The following SEPTIN9 variants were observed in gnomAD, a reference collection of about 807,000 sequenced individuals.
The protein encoded by SEPTIN9 is septin-9.
In SEPTIN9, 13 loss-of-function variants were observed where a neutral mutation model predicts 56.6. The observed-to-expected ratio is 0.23, with a 90% CI of 0.15 to 0.37. The LOEUF is 0.37. Among genes scored for constraint, SEPTIN9 ranks in the 10% least tolerant of loss-of-function variants. The probability of loss-of-function intolerance (pLI) is 1.00; values close to 1 mark genes in which losing one functional copy is unlikely to be tolerated. For synonymous variants in SEPTIN9, 332 were observed against 334.1 expected (o/e 0.99, Z 0.07); for missense variants, 650 against 823.1 (o/e 0.79, Z 2.57).
intron 3 of SEPTIN9, chr17:77,447,285 T>C (rs8065977): frequency 0.069 from 11,231 of 162,658 alleles, 931 homozygotes; most frequent in African/African-American, 0.21. Context: ...CCCCTTGCTC[T>C]TTCCTTGGGG....
At chr17:77,431,368 C>T (rs1181149332) in intron 3 of SEPTIN9, among the ~76,000 whole-genome samples, 1 of 152,200 alleles carries the variant, frequency 6.6e-6, no homozygotes, top group Non-Finnish European at 1.5e-5. Context: ...AAAAATCACA[C>T]CTACTTGTGA....
At chr17:77,428,758 C>T (rs562422868) in intron 3 of SEPTIN9, among the ~76,000 whole-genome samples, 6 of 152,270 alleles carry the variant, frequency 3.9e-5, no homozygotes, top group Non-Finnish European at 5.9e-5. Context: ...AGAGGGAGGG[C>T]ACACTTCCCA....
intron 3 of SEPTIN9, among the ~76,000 whole-genome samples, chr17:77,410,530 A>T (rs576172229): frequency 6.6e-6 from 1 of 152,330 alleles, no homozygotes; most frequent in Non-Finnish European, 1.5e-5. Context: ...TGTGTGGGGA[A>T]ATGGCAGAGG....
chr17:77,474,702 T>C (rs1160611334), intron 3 of SEPTIN9, among the ~76,000 whole-genome samples: 1 of 152,198 alleles, frequency 6.6e-6, no homozygotes, highest in African/African-American at 2.4e-5. Context: ...GGGGCTCACC[T>C]ACCTGGCTTC....
chr17:77,320,259 TGA>T (rs1336673458), intron 2 of SEPTIN9: 1 of 1,608,028 alleles, frequency 6.2e-7, no homozygotes, highest in Non-Finnish European at 8.5e-7. Context: ...GCGACGGGGG[TGA>T]GAAAGGGGAG....
At chr17:77,345,505 A>G (rs2033862985) in intron 2 of SEPTIN9, among the ~76,000 whole-genome samples, 1 of 152,178 alleles carries the variant, frequency 6.6e-6, no homozygotes, top group Non-Finnish European at 1.5e-5. Context: ...TTCTTGCCAG[A>G]AGGTGTAGAA....
intron 2 of SEPTIN9, among the ~76,000 whole-genome samples, chr17:77,312,811 G>A (rs1221294604): frequency 6.6e-6 from 1 of 152,194 alleles, no homozygotes; most frequent in Non-Finnish European, 1.5e-5. Context: ...GACAAAAAGG[G>A]TCTGTATAAC....
intron 10 of SEPTIN9, 108 bp from the exon 11 acceptor site, chr17:77,497,207 C>T: frequency 2.6e-6 from 3 of 1,170,650 alleles, no homozygotes; most frequent in East Asian, 2.5e-5. Context: ...TGGGGCTGCC[C>T]TCAGACTCTG....
intron 2 of SEPTIN9, among the ~76,000 whole-genome samples, chr17:77,385,164 C>CTT (rs530528683): frequency 0.022 from 2,675 of 123,462 alleles, 104 homozygotes; most frequent in African/African-American, 0.074. Context: ...AGACCCCCAC[C>CTT]TTTTTTTTTT....
At chr17:77,282,841 A>T (rs1312558681) in intron 1 of SEPTIN9, among the ~76,000 whole-genome samples, 2 of 152,166 alleles carry the variant, frequency 1.3e-5, no homozygotes, top group Non-Finnish European at 2.9e-5. Flanking sequence ...ACATGCTCCA[A>T]ATACTTGAGA....
In SEPTIN9 at chr17:77,306,529, C is replaced by T. The variant is rs149022070; in HGVS notation, c.20-612C>T. Among the ~76,000 whole-genome samples the T allele has an allele frequency of 5.3e-3, 804 of 152,348 alleles. 11 individuals are homozygous for T. Among genetic ancestry groups the T allele is most frequent in the African/African-American group, 0.019 (770 of 41,580 alleles). On this transcript the variant is annotated intron_variant, in intron 1 of 11. Transcript: ENST00000427177. ...GTGTGTGGGCAGAGGGAGCGCATGCCGCGGGAGGCTGCATTAATCTGAGGT... is the reference window on the plus strand; with the variant it reads ...GTGTGTGGGCAGAGGGAGCGCATGCTGCGGGAGGCTGCATTAATCTGAGGT...
At chr17:77,345,662 C>T (rs2143778662) in intron 2 of SEPTIN9, among the ~76,000 whole-genome samples, 1 of 152,226 alleles carries the variant, frequency 6.6e-6, no homozygotes, top group South Asian at 2.1e-4. Context: ...AGAGCAGGCC[C>T]CACTGGGCAC....
At position 77,500,008 on chromosome 17, in the gene SEPTIN9, G is replaced by T. The variant is rs1405273809; in HGVS notation, c.*1350G>T. On this transcript the variant is annotated 3_prime_UTR_variant, in exon 12 of 12. Transcript: ENST00000427177. Reference sequence around the variant, plus strand: ...ATGGGGGCTGTCTTTGCAGGGCACAGATGACCAAAGTCCCTTCCTGCTTCC... The same window carrying T: ...ATGGGGGCTGTCTTTGCAGGGCACATATGACCAAAGTCCCTTCCTGCTTCC... 8 of 236,540 alleles carry T rather than the reference G, an allele frequency of 3.4e-5. No individual in the cohort carries two copies. The highest frequency in any genetic ancestry group is 1.6e-4 in the Admixed American group (3 of 18,424). The allele number at this position is 236,540 out of a possible 1,614,324, so 14.7% of individuals were successfully genotyped here. A position where few individuals can be genotyped will look rare whatever the true frequency, so the allele number is the denominator to read the frequency against.
At chr17:77,292,580 G>A (rs1335717694) in intron 1 of SEPTIN9, among the ~76,000 whole-genome samples, 2 of 151,250 alleles carry the variant, frequency 1.3e-5, no homozygotes, top group African/African-American at 4.9e-5. Context: ...TGCAACCTCC[G>A]CCTCCCGGGT....
intron 2 of SEPTIN9, among the ~76,000 whole-genome samples, chr17:77,337,561 A>G (rs535066549): frequency 8.5e-5 from 13 of 152,078 alleles, no homozygotes; most frequent in African/African-American, 3.1e-4. Context: ...CTGTGTTTTC[A>G]TAAGGTTGAT....
chr17:77,491,183 A>G (rs918065081), intron 8 of SEPTIN9, among the ~76,000 whole-genome samples: 33 of 151,086 alleles, frequency 2.2e-4, no homozygotes, highest in African/African-American at 8.0e-4. Flanking sequence ...GAGGCCGAGC[A>G]GGGGCCGTGC....
intron 2 of SEPTIN9, among the ~76,000 whole-genome samples, chr17:77,335,532 GTACATATA>G (rs1448005379): frequency 6.7e-6 from 1 of 149,822 alleles, no homozygotes; most frequent in Non-Finnish European, 1.5e-5. Context: ...ATTAGTATAT[GTACATATA>G]TACATGTAGG....
At chr17:77,362,147 G>C (rs2034439028) in intron 2 of SEPTIN9, among the ~76,000 whole-genome samples, 1 of 152,234 alleles carries the variant, frequency 6.6e-6, no homozygotes, top group Non-Finnish European at 1.5e-5. Flanking sequence ...TGTGGATTTG[G>C]GGGCAGAGGC....
intron 3 of SEPTIN9, among the ~76,000 whole-genome samples, chr17:77,448,477 C>T (rs1223327795): frequency 2.7e-5 from 4 of 148,250 alleles, no homozygotes; most frequent in South Asian, 2.2e-4. Flanking sequence ...CTCTGTTCCC[C>T]GGCAACCAAA....
Sources: gnomAD v4.1 joint callset for allele counts (sites outside exome capture counted in the v4.1 genomes callset) on GRCh38, gnomAD v4.1.1 for gene constraint, MANE v1.5 for transcripts, NCBI Gene and HGNC (gene_info 2026-07-23, HGNC 2026-07-21) for gene names.